Variants in CADM2 observed in about 807,000 individuals in gnomAD.
CADM2 encodes the protein cell adhesion molecule 2, also known as immunoglobulin superfamily member 4D.
A neutral mutation model predicts 49.8 loss-of-function variants in CADM2; 12 were observed. That is an observed-to-expected ratio of 0.24 (90% confidence interval 0.15 to 0.39). The LOEUF (loss-of-function observed/expected upper bound fraction) is 0.39, where lower values mean the gene tolerates loss of function less well. Ranked by LOEUF, CADM2 falls within the 10% of genes least tolerant of loss-of-function variation. The probability of loss-of-function intolerance (pLI) is 1.00; values close to 1 mark genes in which losing one functional copy is unlikely to be tolerated. For missense variants in CADM2, 378 were observed against 492.3 expected, an observed-to-expected ratio of 0.77 and a Z score of 2.20; for synonymous variants, 214 against 175.4, an observed-to-expected ratio of 1.22 and a Z score of -1.74.
chr3:85,236,602 A>T (rs2107825854), intron 1 of CADM2, among the ~76,000 whole-genome samples: 1 of 152,274 alleles, frequency 6.6e-6, no homozygotes, highest in African/African-American at 2.4e-5. Flanking sequence ...TGATTTAAAT[A>T]TTTTTTAAGG....
At chr3:85,734,179 T>C (rs956165507) in intron 2 of CADM2, among the ~76,000 whole-genome samples, 2 of 152,132 alleles carry the variant, frequency 1.3e-5, no homozygotes, top group African/African-American at 4.8e-5. Context: ...AAGTGTACAA[T>C]TAAAAAGCTT....
chr3:85,999,266 AG>A (rs1223381476), intron 8 of CADM2, among the ~76,000 whole-genome samples: 29 of 104,318 alleles, frequency 2.8e-4, no homozygotes, highest in African/African-American at 9.9e-4. Context: ...TGGGAGGCCG[AG>A]GGTTGGGGGG....
intron 6 of CADM2, among the ~76,000 whole-genome samples, chr3:85,915,350 C>G (rs1718142738): frequency 6.6e-6 from 1 of 152,022 alleles, no homozygotes; most frequent in Non-Finnish European, 1.5e-5. Context: ...AAGGCAGAAA[C>G]CAGATCTATT....
chr3:85,996,401 G>T (rs1559789992), intron 8 of CADM2, among the ~76,000 whole-genome samples: 1 of 148,540 alleles, frequency 6.7e-6, no homozygotes, highest in Non-Finnish European at 1.5e-5. Flanking sequence ...GGGTTCAAGT[G>T]ATTCTCCTGC....
At chr3:85,127,156 T>G (rs1404523786) in intron 1 of CADM2, among the ~76,000 whole-genome samples, 2 of 152,116 alleles carry the variant, frequency 1.3e-5, no homozygotes, top group Non-Finnish European at 2.9e-5. Flanking sequence ...AAAATCAATT[T>G]TTTAAAGGGT....
intron 5 of CADM2, among the ~76,000 whole-genome samples, chr3:85,897,159 G>A (rs931850114): frequency 2.7e-5 from 4 of 148,182 alleles, no homozygotes; most frequent in African/African-American, 9.9e-5. Flanking sequence ...CTTAGAGGAG[G>A]ATTCTGTAAT....
intron 1 of CADM2, among the ~76,000 whole-genome samples, chr3:85,493,135 A>T (rs1419503338): frequency 1.3e-5 from 2 of 152,154 alleles, no homozygotes; most frequent in African/African-American, 2.4e-5. Context: ...TATTAGTAAC[A>T]TTTATTAATA....
At chr3:85,580,541 A>G (rs1309570487) in intron 1 of CADM2, among the ~76,000 whole-genome samples, 1 of 152,112 alleles carries the variant, frequency 6.6e-6, no homozygotes, top group East Asian at 1.9e-4. Flanking sequence ...ACTAATTAGC[A>G]TTGCATAAAT....
chr3:85,417,010 T>C (rs1415075552), intron 1 of CADM2, among the ~76,000 whole-genome samples: 1 of 152,132 alleles, frequency 6.6e-6, no homozygotes, highest in African/African-American at 2.4e-5. Flanking sequence ...ATCTGTGATA[T>C]GCATGTCAAA....
At chr3:85,413,706 C>A (rs549373339) in intron 1 of CADM2, among the ~76,000 whole-genome samples, 2 of 152,218 alleles carry the variant, frequency 1.3e-5, no homozygotes, top group East Asian at 3.9e-4. Context: ...GGGAAATCCA[C>A]CCTCACGATC....
At position 85,655,512 on chromosome 3, in the gene CADM2, T is replaced by TA. The variant is rs924459892; in HGVS notation, c.62-70999dup. 1.7e-3 allele frequency among the ~76,000 whole-genome samples: 241 copies of TA among 141,802 alleles called. 1 individual carries two copies. Among genetic ancestry groups the TA allele is most frequent in the African/African-American group, 3.0e-3 (116 of 38,690 alleles). 93.0% of individuals were successfully genotyped at this position (141,802 alleles called of 152,430 possible). ...TCTTAATGTAAACATCACTTCTTAA[T>TA]AAAAAAAAAAAGCCATCATTGTTAG... On this transcript the variant is annotated intron_variant, in intron 1 of 9. Transcript: ENST00000383699.
intron 1 of CADM2, among the ~76,000 whole-genome samples, chr3:85,397,728 G>A (rs2034864637): frequency 6.6e-6 from 1 of 152,148 alleles, no homozygotes; most frequent in Non-Finnish European, 1.5e-5. Context: ...AGGCTGAGGG[G>A]GAGGGGTATT....
At chr3:85,940,454 C>T (rs1030186012) in intron 7 of CADM2, among the ~76,000 whole-genome samples, 4 of 151,998 alleles carry the variant, frequency 2.6e-5, no homozygotes, top group Admixed American at 6.6e-5. Context: ...TACCATCAGA[C>T]GAAATGACAA....
chr3:85,550,577 T>G (rs911114775), intron 1 of CADM2, among the ~76,000 whole-genome samples: 2 of 152,226 alleles, frequency 1.3e-5, no homozygotes, highest in Non-Finnish European at 2.9e-5. Flanking sequence ...CAAACTCTTT[T>G]CTAGTGGTAA....
chr3:85,919,702 C>A (rs1718851994), intron 6 of CADM2, among the ~76,000 whole-genome samples: 1 of 151,810 alleles, frequency 6.6e-6, no homozygotes, highest in Non-Finnish European at 1.5e-5. Flanking sequence ...TGAAGAGATT[C>A]CTTCCTTGCC....
intron 8 of CADM2, among the ~76,000 whole-genome samples, chr3:85,970,866 C>T (rs565027295): frequency 7.3e-5 from 11 of 151,082 alleles, no homozygotes; most frequent in South Asian, 2.1e-4. Context: ...AAACATATTT[C>T]GGGTAAGTTA....
chr3:85,631,581 A>T (rs2064307726), intron 1 of CADM2, among the ~76,000 whole-genome samples: 1 of 152,118 alleles, frequency 6.6e-6, no homozygotes, highest in Admixed American at 6.6e-5. Flanking sequence ...TCAGAAGAAA[A>T]GGAGAAAGTT....
chr3:85,708,733 A>G (rs990759852), intron 1 of CADM2, among the ~76,000 whole-genome samples: 5 of 152,194 alleles, frequency 3.3e-5, no homozygotes, highest in African/African-American at 9.6e-5. Context: ...AACATTGACT[A>G]TACAACACTC....
chr3:84,961,999 T>G (rs2030568841), intron 1 of CADM2, among the ~76,000 whole-genome samples: 1 of 152,088 alleles, frequency 6.6e-6, no homozygotes, highest in South Asian at 2.1e-4. Context: ...GGCATGAGTC[T>G]CTTTTATTGA....
Sources: gnomAD v4.1 joint callset for allele counts (sites outside exome capture counted in the v4.1 genomes callset) on GRCh38, gnomAD v4.1.1 for gene constraint, MANE v1.5 for transcripts, NCBI Gene and HGNC (gene_info 2026-07-23, HGNC 2026-07-21) for gene names.